Variants in ELAPOR2 observed in about 807,000 individuals in gnomAD.
The protein encoded by ELAPOR2 is endosome/lysosome-associated apoptosis and autophagy regulator family member 2.
ELAPOR2 carries 89 observed loss-of-function variants against 120.7 expected under a neutral mutation model. The observed-to-expected ratio is 0.74, with a 90% CI of 0.62 to 0.88. The LOEUF (loss-of-function observed/expected upper bound fraction) is 0.88. Among genes scored for constraint, ELAPOR2 ranks in the 40% least tolerant of loss-of-function variants. The pLI is 0.00. For synonymous variants in ELAPOR2, 444 were observed against 444.9 expected, an observed-to-expected ratio of 1.00 and a Z score of 0.03; for missense variants, 1,134 against 1,251.6, an observed-to-expected ratio of 0.91 and a Z score of 1.42.
At chr7:86,965,518 G>A (rs1791872295) in intron 1 of ELAPOR2, among the ~76,000 whole-genome samples, 1 of 152,118 alleles carries the variant, frequency 6.6e-6, no homozygotes, top group African/African-American at 2.4e-5. Context: ...AAGACTACAA[G>A]TTTTTAAAGC....
At chr7:86,959,196 T>G (rs534774088) in intron 2 of ELAPOR2, among the ~76,000 whole-genome samples, 1 of 152,348 alleles carries the variant, frequency 6.6e-6, no homozygotes, top group South Asian at 2.1e-4. Flanking sequence ...CTTTACTAGT[T>G]CTAACGGGTT....
chr7:86,970,515 T>C (rs1365633735), intron 1 of ELAPOR2, among the ~76,000 whole-genome samples: 2 of 152,044 alleles, frequency 1.3e-5, no homozygotes, highest in African/African-American at 2.4e-5. Flanking sequence ...GAGAGCAAAA[T>C]GGCAAGAGGA....
chr7:86,919,228 T>C lies in ELAPOR2; in HGVS notation c.1482A>G (p.Pro494=). ...NDYLILNLHI[P]GFKPPTSMTG... is the part of the protein sequence containing the mutation. ...AGAATTGTTTTCCTTACTTAAATCC[T>C]GGGATATGCAAGTTTAAGATCAGGT... The change falls in exon 11 of 22, where the codon CCA becomes CCG. Residue 494 remains proline (P), a synonymous_variant. Coordinates refer to ENST00000450689, the MANE Select transcript of ELAPOR2 (RefSeq NM_001142749.3). 6.2e-7 allele frequency: 1 copy of C among 1,609,422 alleles called. No individual in the cohort carries two copies. The highest frequency in any genetic ancestry group is 1.3e-5 in the African/African-American group (1 of 74,908).
intron 10 of ELAPOR2, among the ~76,000 whole-genome samples, chr7:86,924,153 A>G (rs1789952419): frequency 6.6e-6 from 1 of 152,070 alleles, no homozygotes; most frequent in Non-Finnish European, 1.5e-5. Flanking sequence ...TGTAGTTTTT[A>G]CATTACTGTT....
chr7:87,004,402 T>C (rs1249045847), intron 1 of ELAPOR2, among the ~76,000 whole-genome samples: 1 of 152,158 alleles, frequency 6.6e-6, no homozygotes, highest in Non-Finnish European at 1.5e-5. Flanking sequence ...ATTACGTACT[T>C]TCACTTTGCC....
intron 1 of ELAPOR2, 131 bp from the exon 2 acceptor site, chr7:86,965,155 C>A (rs1380450742): frequency 3.5e-6 from 3 of 845,512 alleles, no homozygotes; most frequent in Non-Finnish European, 5.6e-6. Context: ...CCCCATCCCA[C>A]CCACACCAAG....
intron 1 of ELAPOR2, among the ~76,000 whole-genome samples, chr7:87,029,818 G>A (rs1222326682): frequency 6.6e-6 from 1 of 152,082 alleles, no homozygotes; most frequent in Non-Finnish European, 1.5e-5. Context: ...TGGGGCAATC[G>A]AGATTTACAA....
At chr7:87,006,919 A>G (rs1009194413) in intron 1 of ELAPOR2, among the ~76,000 whole-genome samples, 3 of 152,216 alleles carry the variant, frequency 2.0e-5, no homozygotes, top group Non-Finnish European at 2.9e-5. Context: ...ATGAATCTCA[A>G]AAAACATGAT....
chr7:87,040,915 T>G (rs1463263279), intron 1 of ELAPOR2, among the ~76,000 whole-genome samples: 1 of 151,814 alleles, frequency 6.6e-6, no homozygotes, highest in Non-Finnish European at 1.5e-5. Flanking sequence ...GAGAAGTGCT[T>G]AAAGGAGCTG....
At chr7:86,928,535 T>C (rs569243497) in intron 8 of ELAPOR2, among the ~76,000 whole-genome samples, 2 of 152,100 alleles carry the variant, frequency 1.3e-5, no homozygotes, top group East Asian at 3.9e-4. Flanking sequence ...TACTATGTAA[T>C]CTTCTTAATC....
chr7:86,956,543 G>A (rs549982535), intron 2 of ELAPOR2, among the ~76,000 whole-genome samples: 2 of 152,164 alleles, frequency 1.3e-5, no homozygotes, highest in Non-Finnish European at 2.9e-5. Flanking sequence ...TAATTTAAAA[G>A]TAGAAGTCAC....
chr7:87,040,131 G>A (rs1045752176), intron 1 of ELAPOR2, among the ~76,000 whole-genome samples: 2 of 152,238 alleles, frequency 1.3e-5, no homozygotes, highest in Non-Finnish European at 2.9e-5. Context: ...CGCCCACGGA[G>A]TCTCGCTGAT....
chr7:86,910,572 T>C (rs1026262688), intron 15 of ELAPOR2, among the ~76,000 whole-genome samples: 17 of 152,144 alleles, frequency 1.1e-4, no homozygotes, highest in African/African-American at 4.1e-4. Flanking sequence ...ATGATGTGTA[T>C]CTGTTCAACT....
rs1375868574 is a variant in ELAPOR2 at position 86,908,524 on chromosome 7, T to C, written c.2379A>G (p.Thr793=). 1 of 1,565,640 alleles carries C rather than the reference T, an allele frequency of 6.4e-7. No homozygotes were observed. Among genetic ancestry groups the C allele is most frequent in the African/African-American group, 1.4e-5 (1 of 72,816 alleles). ...CTTCTTTTATATTAATATTTTTCAA[T>C]GTGGTTTCAACTGTGACTCCTAGAT... is the stretch of plus-strand genomic sequence containing the variant. ...DTFIGVTVET[T]LKNINIKEDM... Residue 793 remains threonine, a synonymous_variant, in exon 17 of 22, where the codon ACA becomes ACG. Coordinates refer to ENST00000450689, the MANE Select transcript of ELAPOR2 (RefSeq NM_001142749.3).
At chr7:86,964,461 G>T (rs1791832589) in intron 2 of ELAPOR2, among the ~76,000 whole-genome samples, 1 of 151,960 alleles carries the variant, frequency 6.6e-6, no homozygotes, top group Non-Finnish European at 1.5e-5. Context: ...AATATCCATT[G>T]CAAGATGAAA....
chr7:87,057,115 A>C (rs946974647), intron 1 of ELAPOR2, among the ~76,000 whole-genome samples: 3 of 152,230 alleles, frequency 2.0e-5, no homozygotes, highest in Admixed American at 6.5e-5. Flanking sequence ...AACACAGAGT[A>C]GTTACTTTAA....
intron 18 of ELAPOR2, among the ~76,000 whole-genome samples, chr7:86,903,579 C>T (rs1349582098): frequency 1.3e-5 from 2 of 152,112 alleles, no homozygotes; most frequent in African/African-American, 4.8e-5. Flanking sequence ...CATTAGCATC[C>T]AATAGATCTG....
chr7:87,003,725 A>G (rs1023251665), intron 1 of ELAPOR2, among the ~76,000 whole-genome samples: 5 of 152,142 alleles, frequency 3.3e-5, no homozygotes, highest in Admixed American at 1.3e-4. Context: ...CCAGAATCTC[A>G]ACATTCATCA....
chr7:87,034,213 G>A (rs942503902), intron 1 of ELAPOR2, among the ~76,000 whole-genome samples: 2 of 152,150 alleles, frequency 1.3e-5, no homozygotes, highest in Non-Finnish European at 2.9e-5. Context: ...GGGCCCTGGT[G>A]TAGCAGCTTG....
Sources: gnomAD v4.1 joint callset for allele counts (sites outside exome capture counted in the v4.1 genomes callset) on GRCh38, gnomAD v4.1.1 for gene constraint, MANE v1.5 for transcripts, NCBI Gene and HGNC (gene_info 2026-07-23, HGNC 2026-07-21) for gene names.